TMEM255B: variants seen among roughly 807,000 people sequenced by gnomAD.
TMEM255B encodes family with sequence similarity 70, member B.
In TMEM255B, 35 loss-of-function variants were observed where a neutral mutation model predicts 34.5. The ratio of observed to expected loss-of-function variants is 1.01; its 90% CI spans 0.77 to 1.34. TMEM255B has a LOEUF of 1.34. Ranked by LOEUF, TMEM255B falls within the 40% of genes most tolerant of loss-of-function variation. The probability of loss-of-function intolerance (pLI) is 0.00; values close to 1 mark genes in which losing one functional copy is unlikely to be tolerated. For synonymous variants in TMEM255B, 206 were observed against 201.2 expected (o/e 1.02, Z -0.20); for missense variants, 432 against 433.2 (o/e 1.00, Z 0.02).
chr13:113,794,418 G>A (rs371003334), intron 3 of TMEM255B, among the ~76,000 whole-genome samples: 2 of 152,080 alleles, frequency 1.3e-5, no homozygotes, highest in African/African-American at 2.4e-5. Context: ...CCTCTTTCCC[G>A]AGCCGACAAC....
In TMEM255B at chr13:113,782,679, G is replaced by GT. The variant is rs1214813806; in HGVS notation, c.253-12469_253-12468insT. On this transcript the variant is annotated intron_variant, in intron 3 of 8. Transcript: ENST00000375353. Reference sequence around the variant, plus strand: ...ATTTCCTCCTGTGATGGTCGGAGGGGGGGGCTTCATTATGAGCCCCACCTG... The same window carrying GT: ...ATTTCCTCCTGTGATGGTCGGAGGGGTGGGGCTTCATTATGAGCCCCACCTG... Among the ~76,000 whole-genome samples, 6 of 151,460 alleles carry GT rather than the reference G, an allele frequency of 4.0e-5. No homozygotes were observed. In the East Asian group the frequency reaches 5.8e-4, roughly 15 times the overall value.
rs975121926 is a variant in TMEM255B, at chr13:113,806,454, C to T, written c.813+1426C>T. Among the ~76,000 whole-genome samples, 2 of 152,136 alleles carry T rather than the reference C, an allele frequency of 1.3e-5. No homozygotes were observed. Among genetic ancestry groups the T allele is most frequent in the African/African-American group, 4.8e-5 (2 of 41,428 alleles). On this transcript the variant is annotated intron_variant, in intron 8 of 8. Coordinates refer to ENST00000375353, the MANE Select transcript of TMEM255B (RefSeq NM_182614.4). This position sits in a 1 kb window ranked among gnomAD's most constrained non-coding sequence, Gnocchi z 4.2. ...CGTGGAGGGATCCCTGCACCTCATA[C>T]CTCAGTCTCCCCTCTCACTTCGAAT...
chr13:113,761,200 CG>C, intron 1 of TMEM255B: 1 of 985,344 alleles, frequency 1.0e-6, no homozygotes, highest in African/African-American at 1.7e-5. Flanking sequence ...GTTCCAGGTC[CG>C]GCTGGCAGGA....
rs538631172 is a variant in TMEM255B, at chr13:113,779,597, G to C, written c.252+10437G>C. 2.9e-4 allele frequency among the ~76,000 whole-genome samples: 44 copies of C among 152,154 alleles called. 1 individual carries two copies. Among genetic ancestry groups the C allele is most frequent in the Middle Eastern group, 6.8e-3 (2 of 294 alleles). The stretch of plus-strand genomic sequence containing the variant: ...TGCTGATACATCTAGGAGTGGAAGA[G>C]GTGGGTTTGTTCCTGGAAGCGCTCT... On this transcript the variant is annotated intron_variant, in intron 3 of 8. Transcript: ENST00000375353.
rs377438951 is a variant in TMEM255B at position 113,815,679 on chromosome 13, A to G, written c.*3776A>G. 134 of 153,144 alleles carry G rather than the reference A, an allele frequency of 8.7e-4. 3 individuals are homozygous for G. The South Asian group carries it at 0.026, about 30-fold the overall frequency. 9.5% of individuals were successfully genotyped at this position (153,144 alleles called of 1,614,324 possible). On this transcript the variant is annotated 3_prime_UTR_variant, in exon 9 of 9. Transcript: ENST00000375353. ...CCACCGTGATTCTGAGGCCTCCCCA[A>G]CCATGTGCAATTGTAAGTCCCGTTA...
chr13:113,794,079 GAC>G (rs2050878048), intron 3 of TMEM255B, among the ~76,000 whole-genome samples: 1 of 152,228 alleles, frequency 6.6e-6, no homozygotes, highest in Non-Finnish European at 1.5e-5. Flanking sequence ...GGCAGAGATG[GAC>G]ACACAGGGCC....
chr13:113,775,395 G>T (rs899548896), intron 3 of TMEM255B, among the ~76,000 whole-genome samples: 23 of 152,260 alleles, frequency 1.5e-4, no homozygotes, highest in African/African-American at 5.1e-4. Flanking sequence ...GGGGCGTCGG[G>T]CCCCGCACCT....
In TMEM255B at chr13:113,801,822, C is replaced by A. The variant is rs186901632; in HGVS notation, c.669+10C>A. ...GGCCTTCAAGGACATGGTGAGGCCC[C>A]TTGGTGGGACCCCCGCTGCTCACTG... On this transcript the variant is annotated intron_variant, in intron 7 of 8. Transcript: ENST00000375353. 592 of 1,588,934 alleles carry A rather than the reference C, an allele frequency of 3.7e-4. 1 individual carries two copies. The African/African-American group carries it at 7.0e-3, about 19-fold the overall frequency.
chr13:113,790,848 G>A (rs1431959211), intron 3 of TMEM255B, among the ~76,000 whole-genome samples: 1 of 151,722 alleles, frequency 6.6e-6, no homozygotes, highest in Non-Finnish European at 1.5e-5. Flanking sequence ...TGGACTGACC[G>A]GACACGTAGA....
rs1566342254 is a variant in TMEM255B, at chr13:113,812,977, A to ACAGGACAGGTCT, written c.*1075_*1076insAGGACAGGTCTC. ...GTGGGTCACGGGCCCCGGGTGGGTCACGGGTCCCGGGTGGGTCACGGGTCC... is the reference window on the plus strand; with the variant it reads ...GTGGGTCACGGGCCCCGGGTGGGTCACAGGACAGGTCTCGGGTCCCGGGTGGGTCACGGGTCC... On this transcript the variant is annotated 3_prime_UTR_variant, in exon 9 of 9. Transcript: ENST00000375353. 4 of 132,300 alleles carry ACAGGACAGGTCT rather than the reference A, an allele frequency of 3.0e-5. No homozygotes were observed. Among genetic ancestry groups the ACAGGACAGGTCT allele is most frequent in the South Asian group, 2.1e-4 (1 of 4,770 alleles). 8.2% of individuals were successfully genotyped at this position (132,300 alleles called of 1,614,324 possible).
chr13:113,800,744 T>C, intron 5 of TMEM255B, 83 bp from the exon 6 acceptor site: 1 of 1,350,410 alleles, frequency 7.4e-7, no homozygotes, highest in African/African-American at 1.4e-5. Context: ...CGCTCCCAGC[T>C]CCCATGAGGC....
chr13:113,810,638 G>A (rs187660645), intron 8 of TMEM255B, among the ~76,000 whole-genome samples: 6 of 152,316 alleles, frequency 3.9e-5, no homozygotes, highest in Non-Finnish European at 7.4e-5. Context: ...ACGCTGCCCC[G>A]GGAGTGCCTA....
chr13:113,805,079 G>A (rs1421021299), intron 8 of TMEM255B, 51 bp downstream of exon 8: 2 of 1,511,960 alleles, frequency 1.3e-6, no homozygotes, highest in African/African-American at 1.4e-5. Flanking sequence ...ACAGGCAGTG[G>A]GATGGACAGG....
chr13:113,800,132 A>C, intron 5 of TMEM255B: 2 of 1,001,494 alleles, frequency 2.0e-6, no homozygotes, highest in Non-Finnish European at 2.4e-6. Context: ...GTGTGTGTTT[A>C]GGGGGGAGGT....
intron 3 of TMEM255B, among the ~76,000 whole-genome samples, chr13:113,784,159 CG>C (rs2138546496): frequency 6.6e-6 from 1 of 152,060 alleles, no homozygotes; most frequent in African/African-American, 2.4e-5. Flanking sequence ...GACAGCCGAG[CG>C]GGGAGGGTGT....
intron 1 of TMEM255B, among the ~76,000 whole-genome samples, chr13:113,763,721 A>G (rs2050343965): frequency 6.6e-6 from 1 of 152,164 alleles, no homozygotes; most frequent in East Asian, 1.9e-4. Context: ...ACAAAAAATC[A>G]CTCTGCTCTT....
intron 8 of TMEM255B, among the ~76,000 whole-genome samples, chr13:113,809,502 CTG>C (rs1394764616): frequency 2.5e-5 from 2 of 79,266 alleles, no homozygotes; most frequent in African/African-American, 1.2e-4. Context: ...GGGGTTTACT[CTG>C]TGGTTCCTGG....
chr13:113,761,698 A>G (rs907954893), intron 1 of TMEM255B, among the ~76,000 whole-genome samples: 2 of 152,162 alleles, frequency 1.3e-5, no homozygotes, highest in African/African-American at 4.8e-5. Context: ...AAAAACCTAT[A>G]TGAGAGCCCA....
chr13:113,762,731 A>G (rs935275393), intron 1 of TMEM255B, among the ~76,000 whole-genome samples: 1 of 152,208 alleles, frequency 6.6e-6, no homozygotes, highest in African/African-American at 2.4e-5. Flanking sequence ...TCCAGCTTTA[A>G]GAACCAGAAT....
Sources: allele counts gnomAD v4.1 joint callset (sites outside exome capture counted in the v4.1 genomes callset), GRCh38; gene constraint gnomAD v4.1.1; non-coding constraint Gnocchi (gnomAD v3.1); transcripts MANE v1.5; gene names NCBI Gene and HGNC (gene_info 2026-07-23, HGNC 2026-07-21).